DCC: variants seen among roughly 807,000 people sequenced by gnomAD.
DCC encodes DCC netrin 1 receptor, also known as netrin receptor DCC.
In DCC, 58 loss-of-function variants were observed where a neutral mutation model predicts 172.5. That is an observed-to-expected ratio of 0.34 (90% CI 0.27 to 0.42). DCC has a LOEUF of 0.42. Ranked by LOEUF, DCC falls within the 10% of genes least tolerant of loss-of-function variation. DCC has a pLI of 1.00. For synonymous variants in DCC, 709 were observed against 644.5 expected, an observed-to-expected ratio of 1.10 and a Z score of -1.52; for missense variants, 1,740 against 1,791.0, an observed-to-expected ratio of 0.97 and a Z score of 0.51.
intron 7 of DCC, among the ~76,000 whole-genome samples, chr18:53,135,084 A>G (rs1260635050): frequency 2.0e-5 from 3 of 152,128 alleles, no homozygotes; most frequent in Non-Finnish European, 4.4e-5. Flanking sequence ...GTTGAAATCC[A>G]TTATATTTGT....
intron 5 of DCC, among the ~76,000 whole-genome samples, chr18:53,026,778 G>A (rs2041960386): frequency 6.6e-6 from 1 of 151,756 alleles, no homozygotes; most frequent in Admixed American, 6.6e-5. Context: ...GTCCAGGCTG[G>A]TCTTGAACTC....
chr18:52,353,760 C>T (rs939926188), intron 1 of DCC, among the ~76,000 whole-genome samples: 2 of 152,164 alleles, frequency 1.3e-5, no homozygotes, highest in South Asian at 2.1e-4. Context: ...GTCTCAGCTG[C>T]GCAGATTGGA....
chr18:52,620,038 G>A (rs1568259428), intron 1 of DCC, among the ~76,000 whole-genome samples: 1 of 152,228 alleles, frequency 6.6e-6, no homozygotes, highest in Non-Finnish European at 1.5e-5. Flanking sequence ...AGGCCATTGA[G>A]GCCCCCTCGT....
intron 1 of DCC, among the ~76,000 whole-genome samples, chr18:52,600,582 G>A (rs746426253): frequency 4.1e-4 from 63 of 152,162 alleles, no homozygotes; most frequent in Admixed American, 1.9e-3. Flanking sequence ...TTAATAGATC[G>A]ATTTAAGTAC....
chr18:52,437,799 C>T (rs1272369772), intron 1 of DCC, among the ~76,000 whole-genome samples: 2 of 152,132 alleles, frequency 1.3e-5, no homozygotes, highest in Non-Finnish European at 1.5e-5. Context: ...AACCACTGTC[C>T]ACCTATATTC....
At chr18:53,249,820 T>G (rs1228546178) in intron 12 of DCC, among the ~76,000 whole-genome samples, 1 of 151,966 alleles carries the variant, frequency 6.6e-6, no homozygotes, top group Non-Finnish European at 1.5e-5. Context: ...CAATAAAAGT[T>G]AATGGCATCA....
At chr18:53,038,873 T>G (rs2042129465) in intron 5 of DCC, among the ~76,000 whole-genome samples, 1 of 151,756 alleles carries the variant, frequency 6.6e-6, no homozygotes, top group African/African-American at 2.4e-5. Flanking sequence ...AAGCCAGGAC[T>G]ATTCCTTGGA....
chr18:53,512,140 G>C (rs2046263987), intron 27 of DCC, among the ~76,000 whole-genome samples: 2 of 152,028 alleles, frequency 1.3e-5, no homozygotes, highest in East Asian at 3.9e-4. Flanking sequence ...GCCTCCTCAA[G>C]TGGATCCCTG....
chr18:52,389,729 T>C (rs576747173), intron 1 of DCC, among the ~76,000 whole-genome samples: 12 of 152,222 alleles, frequency 7.9e-5, no homozygotes, highest in African/African-American at 2.9e-4. Flanking sequence ...AAATCAATTA[T>C]CTTGTTGGAT....
At chr18:52,560,676 C>T (rs1280397734) in intron 1 of DCC, among the ~76,000 whole-genome samples, 1 of 152,138 alleles carries the variant, frequency 6.6e-6, no homozygotes, top group African/African-American at 2.4e-5. Flanking sequence ...TACACCAGTC[C>T]TTGATGCTTT....
At chr18:53,271,404 G>C (rs915904239) in intron 12 of DCC, among the ~76,000 whole-genome samples, 3 of 152,170 alleles carry the variant, frequency 2.0e-5, no homozygotes, top group African/African-American at 7.2e-5. Context: ...CTGGAATCCA[G>C]GTATGATTCA....
chr18:52,985,250 A>T (rs1436339751), intron 5 of DCC, among the ~76,000 whole-genome samples: 1 of 152,028 alleles, frequency 6.6e-6, no homozygotes, highest in African/African-American at 2.4e-5. Flanking sequence ...CATTTTTGAT[A>T]TTCATAAGCA....
intron 5 of DCC, among the ~76,000 whole-genome samples, chr18:52,943,061 A>T (rs1199934647): frequency 6.6e-6 from 1 of 151,996 alleles, no homozygotes; most frequent in Non-Finnish European, 1.5e-5. Context: ...TGTTATTTAT[A>T]CCTCTTTTGT....
intron 1 of DCC, among the ~76,000 whole-genome samples, chr18:52,601,911 T>G (rs1344440611): frequency 6.6e-6 from 1 of 152,080 alleles, no homozygotes; most frequent in Non-Finnish European, 1.5e-5. Context: ...CTTACTTTTT[T>G]TGACTTATCT....
At chr18:52,780,441 G>C (rs754957708) in intron 2 of DCC, among the ~76,000 whole-genome samples, 16 of 152,136 alleles carry the variant, frequency 1.1e-4, no homozygotes, top group African/African-American at 3.9e-4. Flanking sequence ...ATCATAGCAA[G>C]GGTCATGGCT....
At chr18:52,955,364 C>G (rs1429605040) in intron 5 of DCC, among the ~76,000 whole-genome samples, 1 of 149,204 alleles carries the variant, frequency 6.7e-6, no homozygotes, top group Non-Finnish European at 1.5e-5. Flanking sequence ...ATTTAAGTTG[C>G]TGTATGAGTT....
chr18:53,312,020 A>G (rs1393788349), intron 13 of DCC, among the ~76,000 whole-genome samples: 2 of 152,106 alleles, frequency 1.3e-5, no homozygotes, highest in Non-Finnish European at 2.9e-5. Context: ...AAAGATTACC[A>G]TACAGTGGGT....
At chr18:52,846,074 T>C (rs1447443244) in intron 2 of DCC, among the ~76,000 whole-genome samples, 1 of 152,226 alleles carries the variant, frequency 6.6e-6, no homozygotes, top group Non-Finnish European at 1.5e-5. Flanking sequence ...TAACATCTAT[T>C]TCAGTTTTCC....
At chr18:52,411,753 T>C (rs1419181048) in intron 1 of DCC, among the ~76,000 whole-genome samples, 1 of 152,184 alleles carries the variant, frequency 6.6e-6, no homozygotes, top group African/African-American at 2.4e-5. Flanking sequence ...AATGTCTCTG[T>C]CTGCCAAACG....
Sources: allele counts gnomAD v4.1 joint callset (sites outside exome capture counted in the v4.1 genomes callset), GRCh38; gene constraint gnomAD v4.1.1; transcripts MANE v1.5; gene names NCBI Gene and HGNC (gene_info 2026-07-23, HGNC 2026-07-21).